The following RHCG variants were observed in gnomAD, a reference collection of about 807,000 sequenced individuals.
RHCG encodes Rh family C glycoprotein.
In RHCG, 39 loss-of-function variants were observed where a neutral mutation model predicts 55.3. That is an observed-to-expected ratio of 0.70 (90% CI 0.55 to 0.92). The LOEUF is 0.92. Ranked by LOEUF, RHCG falls within the 40% of genes least tolerant of loss-of-function variation. The pLI, the probability that RHCG is intolerant of heterozygous loss-of-function variation, is 0.00. For synonymous variants in RHCG, 250 were observed against 246.8 expected (o/e 1.01, Z -0.12); for missense variants, 635 against 627.9 (o/e 1.01, Z -0.12).
chr15:89,486,031 G>A (rs1961352318), intron 2 of RHCG, among the ~76,000 whole-genome samples: 1 of 152,182 alleles, frequency 6.6e-6, no homozygotes, highest in African/African-American at 2.4e-5. Context: ...CAGAACAGAG[G>A]GAGGGGCTGA....
At chr15:89,478,139 C>A (rs1384957764) in intron 5 of RHCG, among the ~76,000 whole-genome samples, 165 bp from the exon 6 acceptor site, 1 of 152,228 alleles carries the variant, frequency 6.6e-6, no homozygotes, top group Non-Finnish European at 1.5e-5. Context: ...GGACTTCAGC[C>A]CCACCCAGGC....
intron 1 of RHCG, 54 bp from the exon 2 acceptor site, chr15:89,487,039 C>A: frequency 6.8e-7 from 1 of 1,477,082 alleles, no homozygotes; most frequent in Non-Finnish European, 9.0e-7. Flanking sequence ...TTCGTCCCAG[C>A]CCTGGGTCTG....
At chr15:89,472,280 T>A (rs141416505) in intron 10 of RHCG, among the ~76,000 whole-genome samples, 7 of 152,218 alleles carry the variant, frequency 4.6e-5, no homozygotes, top group Non-Finnish European at 8.8e-5. Context: ...GGAGGCACAG[T>A]GTTAGTTGAC....
chr15:89,473,330 A>G (rs1252992865), intron 9 of RHCG, among the ~76,000 whole-genome samples: 1 of 152,136 alleles, frequency 6.6e-6, no homozygotes, highest in Non-Finnish European at 1.5e-5. Context: ...GAAGGCCAGA[A>G]GTGGGTAGAG....
At position 89,477,698 on chromosome 15, in the gene RHCG, A is replaced by G. The variant is rs1290195301; in HGVS notation, c.976-45T>C. On this transcript the variant is annotated intron_variant, in intron 6 of 10. Transcript: ENST00000268122. The surrounding 1 kb of genome is among the most constrained non-coding windows in gnomAD (Gnocchi z 4.5). Reference sequence around the variant, plus strand: ...GCTGCTCAGGCCGGGGGCTGCATCAAGGGTGTGGGGAGGCCGGGATTCCAG... The same window carrying G: ...GCTGCTCAGGCCGGGGGCTGCATCAGGGGTGTGGGGAGGCCGGGATTCCAG... 1.9e-6 allele frequency: 3 copies of G among 1,610,738 alleles called. No homozygotes were observed. Among genetic ancestry groups the G allele is most frequent in the African/African-American group, 1.3e-5 (1 of 74,804 alleles).
chr15:89,490,841 G>C (rs962569283), intron 1 of RHCG, among the ~76,000 whole-genome samples: 8 of 152,114 alleles, frequency 5.3e-5, no homozygotes, highest in African/African-American at 1.9e-4. Flanking sequence ...GCCTGGCTGT[G>C]GGGGCTTGGA....
intron 1 of RHCG, among the ~76,000 whole-genome samples, chr15:89,494,297 A>G (rs781311386): frequency 6.6e-6 from 1 of 152,038 alleles, no homozygotes; most frequent in Non-Finnish European, 1.5e-5. Context: ...TCTGCTTCCA[A>G]AAAGTCTGGG....
Position 89,479,496 on chromosome 15 carries a change from G to A in RHCG, c.671-8C>T, listed in dbSNP as rs377618157. On this transcript the variant is annotated splice_polypyrimidine_tract_variant and splice_region_variant and intron_variant, in intron 4 of 10. Coordinates refer to ENST00000268122, the MANE Select transcript of RHCG (RefSeq NM_016321.3). ...TCCACAGGAAGAGGGTGCCTGGTCA[G>A]ACCAGACAGGCCCAATGGGCCCGGG... 5 of 1,607,572 alleles carry A rather than the reference G, an allele frequency of 3.1e-6. No homozygotes were observed. The highest frequency in any genetic ancestry group is 8.5e-7 in the Non-Finnish European group (1 of 1,176,852).
At chr15:89,492,919 A>G (rs1961503354) in intron 1 of RHCG, among the ~76,000 whole-genome samples, 1 of 152,170 alleles carries the variant, frequency 6.6e-6, no homozygotes, top group African/African-American at 2.4e-5. Context: ...TGAGTGCCCT[A>G]CCAGTCACCT....
Position 89,489,080 on chromosome 15 carries a change from A to C in RHCG, c.185-2095T>G, listed in dbSNP as rs144724288. ...GCATCCGTGTAGAGAAAGAGTGAGC[A>C]AATAGCTGAGTCTGAGTTAGAGTAT... On this transcript the variant is annotated intron_variant, in intron 1 of 10. Transcript: ENST00000268122. Among the ~76,000 whole-genome samples the C allele has an allele frequency of 1.0e-3, 157 of 152,164 alleles. 1 individual carries two copies. Among genetic ancestry groups the C allele is most frequent in the African/African-American group, 3.5e-3 (145 of 41,498 alleles).
Position 89,477,922 on chromosome 15 carries a change from G to T in RHCG, c.890C>A (p.Ala297Asp). ...ACCGTAAGGCATGAGCATCATCTCAGCAGCGGTACCCACGGCCACCCCTCC... is the reference window on the plus strand; with the variant it reads ...ACCGTAAGGCATGAGCATCATCTCATCAGCGGTACCCACGGCCACCCCTCC... ...LAGGVAVGTA[A>D]EMMLMPYGAL... Residue 297 changes from alanine to aspartate, a missense_variant, in exon 6 of 11, where the codon GCT becomes GAT. Ala to Asp is a moderately radical substitution (Grantham distance 126). Coordinates refer to ENST00000268122, the MANE Select transcript of RHCG (RefSeq NM_016321.3). The surrounding 1 kb of genome is among the most constrained non-coding windows in gnomAD (Gnocchi z 4.5). 6.2e-7 allele frequency: 1 copy of T among 1,613,672 alleles called. No individual in the cohort carries two copies. The highest frequency in any genetic ancestry group is 8.5e-7 in the Non-Finnish European group (1 of 1,179,752).
At chr15:89,476,424 A>C (rs1374712326) in intron 9 of RHCG, among the ~76,000 whole-genome samples, 1 of 152,162 alleles carries the variant, frequency 6.6e-6, no homozygotes, top group Non-Finnish European at 1.5e-5. Flanking sequence ...GCACCATACC[A>C]TGGGGACCAC....
rs111811372 is a variant in RHCG, at chr15:89,485,312, G to A, written c.371+1487C>T. ...GGTTTTGGGAATGATAATTTCTTGT[G>A]CATTTTGAACTTCGGGGTGATATGC... On this transcript the variant is annotated intron_variant, in intron 2 of 10. Coordinates refer to ENST00000268122, the MANE Select transcript of RHCG (RefSeq NM_016321.3). 8.5e-5 allele frequency among the ~76,000 whole-genome samples: 13 copies of A among 152,282 alleles called. 2 individuals are homozygous for A. Among genetic ancestry groups the A allele is most frequent in the African/African-American group, 3.1e-4 (13 of 41,554 alleles).
rs1199986308 is a variant in RHCG, at chr15:89,472,728, T to C, written c.*7A>G. The C allele has an allele frequency of 6.2e-7, 1 of 1,609,442 alleles. No homozygotes were observed. The highest frequency in any genetic ancestry group is 8.5e-7 in the Non-Finnish European group (1 of 1,177,942). ...ATGCTCACCTGCTCCTCACCTGCCC[T>C]GGGAGCCTAGGGTACCAAGGGTACC... On this transcript the variant is annotated 3_prime_UTR_variant, in exon 10 of 11. Transcript: ENST00000268122.
Position 89,487,936 on chromosome 15 carries a change from C to T in RHCG, c.185-951G>A, listed in dbSNP as rs557506079. 5.9e-5 allele frequency among the ~76,000 whole-genome samples: 9 copies of T among 152,282 alleles called. No homozygotes were observed. In the East Asian group the frequency reaches 1.4e-3, roughly 23 times the overall value. On this transcript the variant is annotated intron_variant, in intron 1 of 10. Coordinates refer to ENST00000268122, the MANE Select transcript of RHCG (RefSeq NM_016321.3). ...CTTCTCAGAGCCTCAGTTTTCTCAA[C>T]GACCAAACTAAAGGGATGTATTAGG...
rs953068458 is a variant in RHCG at position 89,472,783 on chromosome 15, G to A, written c.1392C>T (p.Pro464=). The A allele has an allele frequency of 1.9e-6, 3 of 1,564,354 alleles. No homozygotes were observed. The highest frequency in any genetic ancestry group is 2.6e-6 in the Non-Finnish European group (3 of 1,154,166). Residue 464 remains proline (P), a synonymous_variant, in exon 10 of 11, where the codon CCC becomes CCT. Coordinates refer to ENST00000268122, the MANE Select transcript of RHCG (RefSeq NM_016321.3). ...KPSGPSVPSV[P]MVSPLPMASS... Reference sequence around the variant, plus strand: ...AAGCCATGGGTAGTGGGGACACCATGGGTACTGAGGGTACTGAGGGTCCTG... The same window carrying A: ...AAGCCATGGGTAGTGGGGACACCATAGGTACTGAGGGTACTGAGGGTCCTG...
At chr15:89,494,039 C>T (rs1300448512) in intron 1 of RHCG, among the ~76,000 whole-genome samples, 1 of 152,042 alleles carries the variant, frequency 6.6e-6, no homozygotes, top group Non-Finnish European at 1.5e-5. Context: ...GCAGGGGAAA[C>T]TCAAGGCCCT....
intron 1 of RHCG, among the ~76,000 whole-genome samples, chr15:89,488,551 G>A (rs921428065): frequency 6.6e-6 from 1 of 152,172 alleles, no homozygotes; most frequent in African/African-American, 2.4e-5. Context: ...TATCCCCTAG[G>A]TGGGATTCTA....
intron 1 of RHCG, among the ~76,000 whole-genome samples, chr15:89,488,400 A>T (rs552504207): frequency 1.5e-3 from 235 of 152,346 alleles, no homozygotes; most frequent in African/African-American, 5.4e-3. Context: ...GGACGTTTGC[A>T]TTGTCTTAAA....
Sources: allele counts gnomAD v4.1 joint callset (sites outside exome capture counted in the v4.1 genomes callset), GRCh38; gene constraint gnomAD v4.1.1; non-coding constraint Gnocchi (gnomAD v3.1); transcripts MANE v1.5; gene names NCBI Gene and HGNC (gene_info 2026-07-23, HGNC 2026-07-21).